The following DOP1B variants were observed in gnomAD, a reference collection of about 807,000 sequenced individuals.
DOP1B encodes the protein DOP1 leucine zipper like protein B, also known as protein DOP1B.
A neutral mutation model predicts 233.5 loss-of-function variants in DOP1B; 174 were observed. The observed-to-expected ratio is 0.75, with a 90% CI of 0.66 to 0.85. DOP1B has a LOEUF of 0.85. Ranked by LOEUF, DOP1B falls within the 40% of genes least tolerant of loss-of-function variation. The probability of loss-of-function intolerance (pLI) is 0.00; values close to 1 mark genes in which losing one functional copy is unlikely to be tolerated. For synonymous variants in DOP1B, 1,190 were observed against 1,185.6 expected (o/e 1.00, Z -0.08); for missense variants, 2,652 against 2,846.6 (o/e 0.93, Z 1.56).
In DOP1B at chr21:36,218,657, A is replaced by G. The variant is rs148664836; in HGVS notation, c.1130-715A>G. ...GATTGGATTAATCTGCTTTTTTGCCAGTGTTGACAGAGCTTTCATTTTCTC... is the reference window on the plus strand; with the variant it reads ...GATTGGATTAATCTGCTTTTTTGCCGGTGTTGACAGAGCTTTCATTTTCTC... On this transcript the variant is annotated intron_variant, in intron 9 of 36. Transcript: ENST00000691173. 6.7e-4 allele frequency among the ~76,000 whole-genome samples: 102 copies of G among 152,144 alleles called. 1 individual carries two copies. The highest frequency in any genetic ancestry group is 1.4e-3 in the Non-Finnish European group (92 of 68,026).
At chr21:36,291,910 A>G (rs188687865) in intron 35 of DOP1B, among the ~76,000 whole-genome samples, 194 bp from the exon 36 acceptor site, 2 of 152,230 alleles carry the variant, frequency 1.3e-5, no homozygotes, top group African/African-American at 4.8e-5. Flanking sequence ...GCAGGGCAGG[A>G]TTTCTTTTTG....
chr21:36,209,848 G>C (rs2066473099), intron 5 of DOP1B, among the ~76,000 whole-genome samples: 1 of 152,162 alleles, frequency 6.6e-6, no homozygotes, highest in Non-Finnish European at 1.5e-5. Context: ...TGATCTTAAA[G>C]TGTTCAGATT....
intron 2 of DOP1B, among the ~76,000 whole-genome samples, chr21:36,190,037 G>T (rs1315449473): frequency 6.7e-6 from 1 of 149,268 alleles, no homozygotes; most frequent in Admixed American, 6.7e-5. Context: ...ATGATTTTCA[G>T]CTGGGCACAG....
Position 36,270,035 on chromosome 21 carries a change from A to C in DOP1B, c.5510A>C (p.Glu1837Ala). 1 of 1,614,058 alleles carries C rather than the reference A, an allele frequency of 6.2e-7. No individual in the cohort carries two copies. The highest frequency in any genetic ancestry group is 8.5e-7 in the Non-Finnish European group (1 of 1,179,984). ...DLQEITQKIL[E>A]AVGNIAGSSL... ...CAGGAAATCACTCAGAAAATCCTAG[A>C]AGCTGTGGGGAACATTGCCGGCTCT... Residue 1837 changes from glutamate (E) to alanine (A), a missense_variant, in exon 27 of 37, where the codon GAA becomes GCA. Transcript: ENST00000691173.
chr21:36,208,363 C>T (rs969475631), intron 4 of DOP1B, among the ~76,000 whole-genome samples: 1 of 152,234 alleles, frequency 6.6e-6, no homozygotes, highest in African/African-American at 2.4e-5. Flanking sequence ...ACCTGCCTAT[C>T]CCTCTTATGG....
intron 1 of DOP1B, among the ~76,000 whole-genome samples, chr21:36,160,131 AAAT>A (rs1555884851): frequency 0.016 from 1,058 of 66,504 alleles, 14 homozygotes; most frequent in African/African-American, 0.035. Context: ...TTTCTGGAAA[AAAT>A]AATAATAATA....
At chr21:36,199,958 G>T (rs1469145389) in intron 3 of DOP1B, among the ~76,000 whole-genome samples, 1 of 152,072 alleles carries the variant, frequency 6.6e-6, no homozygotes, top group Non-Finnish European at 1.5e-5. Context: ...ACCCAGTAAC[G>T]GGATGGCTGG....
At chr21:36,178,872 ACGTTTAT>A (rs1356673798) in intron 2 of DOP1B, among the ~76,000 whole-genome samples, 1 of 152,202 alleles carries the variant, frequency 6.6e-6, no homozygotes, top group Non-Finnish European at 1.5e-5. Flanking sequence ...TTTTGACATA[ACGTTTAT>A]CCCTGTGAAA....
Position 36,237,492 on chromosome 21 carries a change from A to G in DOP1B, c.2775+78A>G, listed in dbSNP as rs1381451977. On this transcript the variant is annotated intron_variant, in intron 16 of 36. Transcript: ENST00000691173. The stretch of plus-strand genomic sequence containing the variant: ...ACGTGCCCTTAGCCAACTGACATCC[A>G]TTCGGTCGAAGTCTTTCTGGGGCTG... 18 of 1,563,224 alleles carry G rather than the reference A, an allele frequency of 1.2e-5. No homozygotes were observed. The Middle Eastern group carries it at 5.1e-4, about 45-fold the overall frequency.
chr21:36,264,094 T>A (rs1302011849), intron 26 of DOP1B, among the ~76,000 whole-genome samples: 2 of 152,234 alleles, frequency 1.3e-5, no homozygotes, highest in Non-Finnish European at 2.9e-5. Flanking sequence ...CAGATGTATG[T>A]GGATCTCACT....
chr21:36,255,915 G>A (rs576308495), intron 23 of DOP1B, among the ~76,000 whole-genome samples: 1 of 152,258 alleles, frequency 6.6e-6, no homozygotes, highest in African/African-American at 2.4e-5. Flanking sequence ...GAGGGCCCAT[G>A]TTGTCTAGAG....
chr21:36,177,714 A>G (rs1158583222), intron 2 of DOP1B, among the ~76,000 whole-genome samples: 1 of 152,226 alleles, frequency 6.6e-6, no homozygotes, highest in Non-Finnish European at 1.5e-5. Flanking sequence ...AGCTAGCATT[A>G]GCATGCTCGG....
chr21:36,210,482 T>G (rs2066483072), intron 5 of DOP1B, among the ~76,000 whole-genome samples: 2 of 152,094 alleles, frequency 1.3e-5, no homozygotes, highest in South Asian at 2.1e-4. Flanking sequence ...CCGTCTCTAC[T>G]AAAAATACAA....
intron 3 of DOP1B, among the ~76,000 whole-genome samples, chr21:36,199,838 G>A (rs187494013): frequency 6.6e-6 from 1 of 152,186 alleles, no homozygotes; most frequent in East Asian, 1.9e-4. Flanking sequence ...GTCTATCATC[G>A]ATGGACATTT....
chr21:36,289,112 A>T lies in DOP1B; in HGVS notation c.6421A>T (p.Ile2141Leu). 6.2e-7 allele frequency: 1 copy of T among 1,613,946 alleles called. No homozygotes were observed. The change falls in exon 35 of 37, where the codon ATA becomes TTA. Residue 2141 changes from isoleucine to leucine, a missense_variant. Ile to Leu is a conservative substitution (Grantham distance 5). Coordinates refer to ENST00000691173, the MANE Select transcript of DOP1B (RefSeq NM_001320714.2). ...TGCAAATGGACCCTCAGTGGGGGAG[A>T]TACCCCAGAGTGAACTCATCTTGTA... ...PDANGPSVGE[I>L]PQSELILYLS... is the part of the protein sequence containing the mutation.
intron 1 of DOP1B, among the ~76,000 whole-genome samples, chr21:36,163,116 G>A (rs953165854): frequency 6.6e-6 from 1 of 152,084 alleles, no homozygotes; most frequent in Admixed American, 6.6e-5. Context: ...GGAGGCTGAG[G>A]TGGGCAGATC....
At chr21:36,257,775 T>TGTAG (rs151153511) in intron 23 of DOP1B, among the ~76,000 whole-genome samples, 3 of 129,030 alleles carry the variant, frequency 2.3e-5, no homozygotes, top group Non-Finnish European at 4.9e-5. Flanking sequence ...GGTAGAGAGA[T>TGTAG]GTAGGTAGGT....
intron 10 of DOP1B, 53 bp from the exon 11 acceptor site, chr21:36,223,178 G>A: frequency 3.3e-6 from 5 of 1,527,478 alleles, no homozygotes; most frequent in Non-Finnish European, 4.4e-6. Context: ...GACACTTTTT[G>A]TAATTCAGGA....
At chr21:36,173,702 C>T (rs1006657629) in intron 2 of DOP1B, among the ~76,000 whole-genome samples, 2 of 152,150 alleles carry the variant, frequency 1.3e-5, no homozygotes, top group African/African-American at 2.4e-5. Context: ...GGATTACAGG[C>T]GTGAGCCGCC....
Sources: allele counts gnomAD v4.1 joint callset (sites outside exome capture counted in the v4.1 genomes callset), GRCh38; gene constraint gnomAD v4.1.1; transcripts MANE v1.5; gene names NCBI Gene and HGNC (gene_info 2026-07-23, HGNC 2026-07-21).